Variants in MYCBP2 observed in about 807,000 individuals in gnomAD.
MYCBP2 encodes the protein E3 ubiquitin-protein ligase MYCBP2.
MYCBP2 carries 120 observed loss-of-function variants against 525.3 expected under a neutral mutation model. The observed-to-expected ratio is 0.23, with a 90% CI of 0.20 to 0.27. The LOEUF is 0.27. Ranked by LOEUF, MYCBP2 falls within the 10% of genes least tolerant of loss-of-function variation. The pLI, the probability that MYCBP2 is intolerant of heterozygous loss-of-function variation, is 1.00. For synonymous variants in MYCBP2, 1,894 were observed against 1,955.8 expected (o/e 0.97, Z 0.83); for missense variants, 4,149 against 5,657.1 (o/e 0.73, Z 8.55).
chr13:77,230,779 G>C (rs2067017895), intron 18 of MYCBP2, among the ~76,000 whole-genome samples: 2 of 152,230 alleles, frequency 1.3e-5, no homozygotes, highest in African/African-American at 4.8e-5. Context: ...TAGCTGAAGA[G>C]GGCTGAGAGG....
At chr13:77,131,508 ACACAAACAAACACACAC>A (rs1566645219) in intron 52 of MYCBP2, among the ~76,000 whole-genome samples, 5 of 64,090 alleles carry the variant, frequency 7.8e-5, no homozygotes, top group Non-Finnish European at 2.2e-4. Context: ...ACACACACAC[ACACAAACAAACACACAC>A]ACACACACAC....
At chr13:77,144,219 GGAGA>G (rs1421209205) in intron 49 of MYCBP2, 1 of 505,400 alleles carries the variant, frequency 2.0e-6, no homozygotes, top group African/African-American at 1.9e-5. Context: ...GGAAATGGAG[GGAGA>G]GAGTCATGAG....
intron 73 of MYCBP2, among the ~76,000 whole-genome samples, chr13:77,063,580 A>AC (rs1443028277): frequency 2.0e-5 from 3 of 150,510 alleles, no homozygotes; most frequent in African/African-American, 7.3e-5. Context: ...AAAAAAAAAA[A>AC]AGACAACTGT....
chr13:77,084,964 A>C (rs1383122950), intron 62 of MYCBP2, among the ~76,000 whole-genome samples: 1 of 151,668 alleles, frequency 6.6e-6, no homozygotes, highest in Non-Finnish European at 1.5e-5. Context: ...TGTGGGGCTT[A>C]CCTCATGCCC....
At position 77,081,657 on chromosome 13, in the gene MYCBP2, A is replaced by G; in HGVS notation, c.11194-6T>C. On this transcript the variant is annotated splice_polypyrimidine_tract_variant and splice_region_variant and intron_variant, in intron 64 of 82. Transcript: ENST00000544440. The surrounding 1 kb of genome is among the most constrained non-coding windows in gnomAD (Gnocchi z 4.6). ...CACATTACTATGCATAATTCCTATCAGAAACAAATATAAGTACTTATGATA... is the reference window on the plus strand; with the variant it reads ...CACATTACTATGCATAATTCCTATCGGAAACAAATATAAGTACTTATGATA... The G allele has an allele frequency of 6.3e-7, 1 of 1,594,192 alleles. No individual in the cohort carries two copies. The highest frequency in any genetic ancestry group is 1.1e-5 in the South Asian group (1 of 87,950).
At chr13:77,076,685 TGA>T (rs1198537347) in intron 68 of MYCBP2, 64 bp downstream of exon 68, 1 of 957,410 alleles carries the variant, frequency 1.0e-6, no homozygotes, top group African/African-American at 1.7e-5. Context: ...CAGCAATAAA[TGA>T]ATTATTTCAC....
At position 77,047,487 on chromosome 13, in the gene MYCBP2, G is replaced by A. The variant is rs368208189; in HGVS notation, c.13922-1994C>T. On this transcript the variant is annotated intron_variant, in intron 82 of 82. Coordinates refer to ENST00000544440, the MANE Select transcript of MYCBP2 (RefSeq NM_015057.5). ...TGCTCCTCCAAATTTATATACTGAC[G>A]TGTTAATGAAAGGAGTTAGTTTGCC... 6.6e-5 allele frequency among the ~76,000 whole-genome samples: 10 copies of A among 152,242 alleles called. No individual in the cohort carries two copies. The East Asian group carries it at 7.7e-4, about 12-fold the overall frequency.
chr13:77,226,707 T>C (rs1378121557), intron 18 of MYCBP2, among the ~76,000 whole-genome samples: 1 of 152,194 alleles, frequency 6.6e-6, no homozygotes, highest in Non-Finnish European at 1.5e-5. Flanking sequence ...TTTAGTAACA[T>C]CCAGGTGAGA....
At chr13:77,092,990 T>C (rs1315992767) in intron 59 of MYCBP2, among the ~76,000 whole-genome samples, 175 bp downstream of exon 59, 1 of 152,184 alleles carries the variant, frequency 6.6e-6, no homozygotes, top group Non-Finnish European at 1.5e-5. Context: ...CTAGTCTGCC[T>C]CTCCCATCAA....
At chr13:77,158,600 T>A (rs563160076) in intron 44 of MYCBP2, among the ~76,000 whole-genome samples, 25 of 152,280 alleles carry the variant, frequency 1.6e-4, no homozygotes, top group Middle Eastern at 3.4e-3. Flanking sequence ...TATGCCACCA[T>A]GGCTGGCTAA....
chr13:77,298,627 G>T (rs1464395602), intron 1 of MYCBP2, among the ~76,000 whole-genome samples: 2 of 152,138 alleles, frequency 1.3e-5, no homozygotes, highest in Non-Finnish European at 2.9e-5. Flanking sequence ...TTAAAATAAG[G>T]TATCTACATC....
intron 72 of MYCBP2, among the ~76,000 whole-genome samples, chr13:77,065,314 T>C (rs1340748288): frequency 6.6e-6 from 1 of 152,204 alleles, no homozygotes; most frequent in Non-Finnish European, 1.5e-5. Context: ...GGAAAAGTGA[T>C]AGAACTTCAT....
At chr13:77,078,549 C>A (rs535957855) in intron 66 of MYCBP2, among the ~76,000 whole-genome samples, 10 of 151,946 alleles carry the variant, frequency 6.6e-5, no homozygotes, top group Non-Finnish European at 1.5e-4. Context: ...TTTAAGATAC[C>A]CTGAGTCTTT....
rs1163433992 is a variant in MYCBP2, at chr13:77,081,177, A to G, written c.11418+250T>C. ...ATGGCAGCAGAAAATTGTAGAGCAG[A>G]CTTTCATTTTGCTTAGCTGTAGCCA... On this transcript the variant is annotated intron_variant, in intron 65 of 82. Transcript: ENST00000544440. The surrounding 1 kb of genome is among the most constrained non-coding windows in gnomAD (Gnocchi z 4.6). 7.6e-6 allele frequency: 3 copies of G among 393,818 alleles called. No individual in the cohort carries two copies. The highest frequency in any genetic ancestry group is 1.3e-5 in the Non-Finnish European group (3 of 222,450). The allele number at this position is 393,818 out of a possible 1,614,324, so 24.4% of individuals were successfully genotyped here.
At chr13:77,221,723 C>T (rs1206404391) in intron 20 of MYCBP2, among the ~76,000 whole-genome samples, 2 of 152,046 alleles carry the variant, frequency 1.3e-5, no homozygotes, top group African/African-American at 4.8e-5. Flanking sequence ...ACAAATAAAC[C>T]CTCTTCTTCT....
chr13:77,190,435 T>C, intron 28 of MYCBP2, 100 bp from the exon 29 acceptor site: 1 of 726,002 alleles, frequency 1.4e-6, no homozygotes, highest in Non-Finnish European at 2.3e-6. Flanking sequence ...TGAAAATGAT[T>C]CACTCTTTTA....
At position 77,149,007 on chromosome 13, in the gene MYCBP2, G is replaced by A. The variant is rs141452388; in HGVS notation, c.7131+1727C>T. On this transcript the variant is annotated intron_variant, in intron 47 of 82. Transcript: ENST00000544440. ...AGCTCTAGATTCTATTTTTATATTC[G>A]GAGTATCTTTATTGTTTTTTCTCTC... Among the ~76,000 whole-genome samples the A allele has an allele frequency of 1.0e-3, 158 of 151,954 alleles. 1 individual carries two copies. The highest frequency in any genetic ancestry group is 3.4e-3 in the Middle Eastern group (1 of 294).
chr13:77,238,413 C>T (rs576501502), intron 17 of MYCBP2, among the ~76,000 whole-genome samples: 6 of 152,134 alleles, frequency 3.9e-5, no homozygotes, highest in South Asian at 4.2e-4. Context: ...ATTTTCCTTA[C>T]GAAACAGAGT....
intron 15 of MYCBP2, among the ~76,000 whole-genome samples, chr13:77,247,706 A>G (rs2070302395): frequency 6.6e-6 from 1 of 152,212 alleles, no homozygotes; most frequent in Non-Finnish European, 1.5e-5. Flanking sequence ...GGTGTGGCAT[A>G]AAGACAGTCA....
Sources: allele counts gnomAD v4.1 joint callset (sites outside exome capture counted in the v4.1 genomes callset), GRCh38; gene constraint gnomAD v4.1.1; non-coding constraint Gnocchi (gnomAD v3.1); transcripts MANE v1.5; gene names NCBI Gene and HGNC (gene_info 2026-07-23, HGNC 2026-07-21).